GNA13: variants seen among roughly 807,000 people sequenced by gnomAD.
GNA13 encodes the protein G protein subunit alpha 13, also known as guanine nucleotide-binding protein subunit alpha-13.
GNA13 carries 4 observed loss-of-function variants against 33.5 expected under a neutral mutation model. The ratio of observed to expected loss-of-function variants is 0.12; its 90% confidence interval spans 0.06 to 0.27. The LOEUF is 0.27. Ranked by LOEUF, GNA13 falls within the 10% of genes least tolerant of loss-of-function variation. The pLI is 1.00. For synonymous variants in GNA13, 176 were observed against 183.8 expected (o/e 0.96, Z 0.34); for missense variants, 319 against 487.2 (o/e 0.65, Z 3.25).
intron 3 of GNA13, among the ~76,000 whole-genome samples, 181 bp from the exon 4 acceptor site, chr17:65,015,010 T>C (rs1265507592): frequency 6.6e-6 from 1 of 152,208 alleles, no homozygotes; most frequent in African/African-American, 2.4e-5. Context: ...GTCATGCCTA[T>C]AATCCCAGCA....
intron 2 of GNA13, among the ~76,000 whole-genome samples, chr17:65,020,252 T>C (rs1430554331): frequency 1.3e-5 from 2 of 152,208 alleles, no homozygotes; most frequent in Non-Finnish European, 2.9e-5. Flanking sequence ...TTTTCTAATA[T>C]TAATGTTAAG....
chr17:65,034,475 T>G (rs1433944294), intron 2 of GNA13, among the ~76,000 whole-genome samples: 7 of 152,062 alleles, frequency 4.6e-5, no homozygotes, highest in Non-Finnish European at 8.8e-5. Context: ...ATTTTTTGTA[T>G]TTTTAGTAGA....
rs1409472184 is a variant in GNA13 at position 65,013,046 on chromosome 17, C to A, written c.*1211G>T. ...TAGGTGCGAACTAAAAAAATTACTA[C>A]TGATCCTTAGAAGCATCCTTAAAAC... On this transcript the variant is annotated 3_prime_UTR_variant, in exon 4 of 4. Coordinates refer to ENST00000439174, the MANE Select transcript of GNA13 (RefSeq NM_006572.6). 1 of 214,358 alleles carries A rather than the reference C, an allele frequency of 4.7e-6. No individual in the cohort carries two copies. Among genetic ancestry groups the A allele is most frequent in the African/African-American group, 2.3e-5 (1 of 44,262 alleles). The allele number at this position is 214,358 out of a possible 1,614,324, so 13.3% of individuals were successfully genotyped here. A position where few individuals can be genotyped will look rare whatever the true frequency, so the allele number is the denominator to read the frequency against.
chr17:65,051,565 C>T (rs1201827869), intron 2 of GNA13, among the ~76,000 whole-genome samples: 1 of 151,878 alleles, frequency 6.6e-6, no homozygotes, highest in Non-Finnish European at 1.5e-5. Flanking sequence ...GCCAAGATCG[C>T]GCCACTGCAC....
chr17:65,033,669 GAATA>G (rs1218630519), intron 2 of GNA13, among the ~76,000 whole-genome samples: 24 of 151,882 alleles, frequency 1.6e-4, no homozygotes, highest in Admixed American at 1.6e-3. Flanking sequence ...GACTCCAAGT[GAATA>G]CACAGTTCCA....
intron 2 of GNA13, among the ~76,000 whole-genome samples, chr17:65,050,832 T>G (rs1490497598): frequency 6.6e-6 from 1 of 152,220 alleles, no homozygotes; most frequent in Non-Finnish European, 1.5e-5. Context: ...TCTGTTCCTC[T>G]TTTCTTGTCT....
intron 2 of GNA13, chr17:65,052,073 C>CT: frequency 6.6e-6 from 1 of 152,334 alleles, no homozygotes; most frequent in Middle Eastern, 3.4e-3. Flanking sequence ...GCAAGGACTG[C>CT]TGGTTGTACA....
At chr17:65,026,194 C>A in intron 2 of GNA13, among the ~76,000 whole-genome samples, 1 of 150,592 alleles carries the variant, frequency 6.6e-6, no homozygotes, top group Non-Finnish European at 1.5e-5. Flanking sequence ...TCACTACTCT[C>A]CACCAAAATA....
intron 2 of GNA13, among the ~76,000 whole-genome samples, chr17:65,044,093 A>G (rs1907565803): frequency 6.6e-6 from 1 of 152,226 alleles, no homozygotes; most frequent in Non-Finnish European, 1.5e-5. Context: ...GCCACTGCAC[A>G]TTGGCCTCGG....
rs1227826343 is a variant in GNA13 at position 65,012,830 on chromosome 17, T to G, written c.*1427A>C. ...AAAAGTAGAAAAGCTGTCAGACTTTTCAAGCTGTCGCCAGCCTTGGACTTC... is the reference window on the plus strand; with the variant it reads ...AAAAGTAGAAAAGCTGTCAGACTTTGCAAGCTGTCGCCAGCCTTGGACTTC... On this transcript the variant is annotated 3_prime_UTR_variant, in exon 4 of 4. Coordinates refer to ENST00000439174, the MANE Select transcript of GNA13 (RefSeq NM_006572.6). The G allele has an allele frequency of 9.2e-6, 2 of 218,534 alleles. No individual in the cohort carries two copies. The highest frequency in any genetic ancestry group is 1.8e-5 in the Non-Finnish European group (2 of 108,760). The allele number at this position is 218,534 out of a possible 1,614,324, so 13.5% of individuals were successfully genotyped here. A position where few individuals can be genotyped will look rare whatever the true frequency, so the allele number is the denominator to read the frequency against.
intron 2 of GNA13, among the ~76,000 whole-genome samples, chr17:65,039,402 T>C (rs1907377203): frequency 6.6e-6 from 1 of 152,154 alleles, no homozygotes; most frequent in African/African-American, 2.4e-5. Context: ...CTTTGGTGGC[T>C]TCCCAAGGCA....
chr17:65,047,661 C>CTTTT (rs34243706), intron 2 of GNA13, among the ~76,000 whole-genome samples: 1 of 147,294 alleles, frequency 6.8e-6, no homozygotes. Context: ...GACTCTGATT[C>CTTTT]TTTTTTTTTT....
intron 2 of GNA13, among the ~76,000 whole-genome samples, chr17:65,045,406 A>G (rs1281344733): frequency 1.3e-5 from 2 of 149,498 alleles, no homozygotes; most frequent in African/African-American, 4.9e-5. Flanking sequence ...TGTAGTCCCA[A>G]TAACTTGGGA....
chr17:65,050,281 G>A (rs1203880452), intron 2 of GNA13, among the ~76,000 whole-genome samples: 3 of 152,242 alleles, frequency 2.0e-5, no homozygotes, highest in Non-Finnish European at 4.4e-5. Context: ...ATGTAGATGA[G>A]TAGATGGAAT....
At chr17:65,056,254 C>A in intron 1 of GNA13, 57 bp downstream of exon 1, 1 of 1,118,666 alleles carries the variant, frequency 8.9e-7, no homozygotes, top group South Asian at 1.4e-5. Context: ...GCCCCGCACC[C>A]GCCGCCGCCC....
rs1906201190 is a variant in GNA13, at chr17:65,011,907, T to C, written c.*2350A>G. 4.4e-6 allele frequency: 1 copy of C among 226,172 alleles called. No homozygotes were observed. Among genetic ancestry groups the C allele is most frequent in the Non-Finnish European group, 8.8e-6 (1 of 113,650 alleles). The allele number at this position is 226,172 out of a possible 1,614,324, so 14.0% of individuals were successfully genotyped here. A position where few individuals can be genotyped will look rare whatever the true frequency, so the allele number is the denominator to read the frequency against. ...GGTGTAAGACTCCTTTCAAACGTTT[T>C]TAAAATACAACGTATAAAAAAATGT... On this transcript the variant is annotated 3_prime_UTR_variant, in exon 4 of 4. Transcript: ENST00000439174.
At chr17:65,030,840 C>T (rs1906975291) in intron 2 of GNA13, among the ~76,000 whole-genome samples, 1 of 152,082 alleles carries the variant, frequency 6.6e-6, no homozygotes, top group African/African-American at 2.4e-5. Flanking sequence ...TAGCAAGACC[C>T]CATCTCAATT....
At chr17:65,036,179 A>G (rs1244019228) in intron 2 of GNA13, among the ~76,000 whole-genome samples, 1 of 152,236 alleles carries the variant, frequency 6.6e-6, no homozygotes, top group Non-Finnish European at 1.5e-5. Context: ...AAGGAGCACT[A>G]AATACTTTCC....
chr17:65,044,648 A>G (rs982836360), intron 2 of GNA13, among the ~76,000 whole-genome samples: 10 of 144,456 alleles, frequency 6.9e-5, no homozygotes, highest in Non-Finnish European at 1.4e-4. Flanking sequence ...AAAAAAAAGG[A>G]AAAAAAAAAA....
Sources: gnomAD v4.1 joint callset for allele counts (sites outside exome capture counted in the v4.1 genomes callset) on GRCh38, gnomAD v4.1.1 for gene constraint, MANE v1.5 for transcripts, NCBI Gene and HGNC (gene_info 2026-07-23, HGNC 2026-07-21) for gene names.